Variants in NRG3 observed in about 807,000 individuals in gnomAD.
The protein encoded by NRG3 is pro-neuregulin-3, membrane-bound isoform.
NRG3 carries 31 observed loss-of-function variants against 66.9 expected under a neutral mutation model. That is an observed-to-expected ratio of 0.46 (90% confidence interval 0.35 to 0.63). NRG3 has a LOEUF of 0.63. Ranked by LOEUF, NRG3 falls within the 20% of genes least tolerant of loss-of-function variation. The probability of loss-of-function intolerance (pLI) is 0.00; values close to 1 mark genes in which losing one functional copy is unlikely to be tolerated. For missense variants in NRG3, 910 were observed against 878.9 expected (o/e 1.04, Z -0.45); for synonymous variants, 393 against 359.4 (o/e 1.09, Z -1.06).
intron 1 of NRG3, among the ~76,000 whole-genome samples, chr10:82,001,650 G>T (rs1728044164): frequency 6.6e-6 from 1 of 152,182 alleles, no homozygotes; most frequent in Admixed American, 6.6e-5. Context: ...ACATAGGAAA[G>T]CTAATGAATT....
chr10:82,605,570 G>A (rs1750998900), intron 2 of NRG3, among the ~76,000 whole-genome samples: 1 of 151,842 alleles, frequency 6.6e-6, no homozygotes, highest in Non-Finnish European at 1.5e-5. Context: ...TTTGATATTA[G>A]GGTAATGCTA....
chr10:82,634,035 A>G (rs1439592883), intron 2 of NRG3, among the ~76,000 whole-genome samples: 1 of 152,214 alleles, frequency 6.6e-6, no homozygotes. Flanking sequence ...TTGGGCATAT[A>G]GAGATTATGG....
At chr10:82,586,219 TA>T (rs759792875) in intron 2 of NRG3, among the ~76,000 whole-genome samples, 35 of 140,378 alleles carry the variant, frequency 2.5e-4, no homozygotes, top group Non-Finnish European at 4.5e-4. Context: ...CCCCTAAATC[TA>T]AAATAAAAGT....
Position 82,632,590 on chromosome 10 carries a change from G to GTT in NRG3, c.954-105981_954-105980dup, listed in dbSNP as rs543985556. ...TATCGTATTTCATTTTCTCCTGTGTGTTTTTTTCTGGTAGTTGGTAATCTT... is the reference window on the plus strand; with the variant it reads ...TATCGTATTTCATTTTCTCCTGTGTGTTTTTTTTTCTGGTAGTTGGTAATCTT... On this transcript the variant is annotated intron_variant, in intron 2 of 8. Transcript: ENST00000372141. 2.0e-4 allele frequency among the ~76,000 whole-genome samples: 30 copies of GTT among 151,962 alleles called. 1 individual carries two copies. In the South Asian group the frequency reaches 6.2e-3, roughly 32 times the overall value.
At chr10:82,925,664 G>A (rs140858949) in intron 4 of NRG3, among the ~76,000 whole-genome samples, 83 of 152,316 alleles carry the variant, frequency 5.4e-4, no homozygotes, top group South Asian at 2.5e-3. Flanking sequence ...ATCAATCTAC[G>A]TAGGGTTTAT....
At chr10:82,147,875 T>G (rs879884350) in intron 1 of NRG3, among the ~76,000 whole-genome samples, 2 of 152,204 alleles carry the variant, frequency 1.3e-5, no homozygotes, top group Non-Finnish European at 2.9e-5. Flanking sequence ...GTCCCAGTTT[T>G]CTCTCTCTTT....
At chr10:82,331,646 AT>A (rs1172384090) in intron 1 of NRG3, among the ~76,000 whole-genome samples, 2 of 151,910 alleles carry the variant, frequency 1.3e-5, no homozygotes. Flanking sequence ...CTGAGGAACT[AT>A]TTTTTTTCTC....
chr10:82,152,909 TTTTC>T (rs1010494139), intron 1 of NRG3, among the ~76,000 whole-genome samples: 4 of 151,938 alleles, frequency 2.6e-5, no homozygotes, highest in Middle Eastern at 3.4e-3. Context: ...TCTTTCTCCT[TTTTC>T]TTTTATTACT....
In NRG3 at chr10:82,132,525, GATAT is replaced by G. The variant is rs1317557723; in HGVS notation, c.824-226207_824-226204del. Reference sequence around the variant, plus strand: ...TATATCATATATATATGATATATATGATATATATATGATATATATATATCTTTGT... The same window carrying G: ...TATATCATATATATATGATATATATGATATATGATATATATATATCTTTGT... On this transcript the variant is annotated intron_variant, in intron 1 of 8. Coordinates refer to ENST00000372141, the MANE Select transcript of NRG3 (RefSeq NM_001010848.4). Among the ~76,000 whole-genome samples the G allele has an allele frequency of 2.2e-4, 12 of 54,768 alleles. 1 individual carries two copies. Among genetic ancestry groups the G allele is most frequent in the African/African-American group, 7.8e-4 (12 of 15,426 alleles). The allele number at this position is 54,768 out of a possible 152,430, so 35.9% of individuals were successfully genotyped here. A position where few individuals can be genotyped will look rare whatever the true frequency, so the allele number is the denominator to read the frequency against.
At chr10:82,984,876 T>C (rs752556864) in intron 8 of NRG3, 15 of 1,401,884 alleles carry the variant, frequency 1.1e-5, no homozygotes, top group Non-Finnish European at 1.5e-5. Context: ...TGGGTTTGAG[T>C]CTCAGTCTGT....
At chr10:82,894,575 T>TC (rs1843469300) in intron 4 of NRG3, among the ~76,000 whole-genome samples, 1 of 128,404 alleles carries the variant, frequency 7.8e-6, no homozygotes. Context: ...GTACTTAGAG[T>TC]CCTTTAACTT....
intron 2 of NRG3, among the ~76,000 whole-genome samples, chr10:82,377,603 T>C (rs2085336928): frequency 6.6e-6 from 1 of 152,150 alleles, no homozygotes; most frequent in South Asian, 2.1e-4. Flanking sequence ...AGAAGAGCAG[T>C]GACCTTATTG....
At chr10:82,828,507 A>C (rs342370) in intron 3 of NRG3, among the ~76,000 whole-genome samples, 70,598 of 145,900 alleles carry the variant, frequency 0.48, 16,536 homozygotes, top group South Asian at 0.53. Flanking sequence ...GTGCCCTTTT[A>C]CCTCTGTCTT....
intron 2 of NRG3, among the ~76,000 whole-genome samples, chr10:82,379,443 G>A (rs770503585): frequency 6.6e-6 from 1 of 151,986 alleles, no homozygotes; most frequent in Non-Finnish European, 1.5e-5. Context: ...CTAAAGAAGC[G>A]AGAATTGAAA....
intron 3 of NRG3, among the ~76,000 whole-genome samples, chr10:82,801,860 C>T (rs913044637): frequency 6.6e-6 from 1 of 152,176 alleles, no homozygotes; most frequent in African/African-American, 2.4e-5. Flanking sequence ...CCAATAGACA[C>T]ATTCAATGTA....
At chr10:82,159,654 C>G (rs746453873) in intron 1 of NRG3, among the ~76,000 whole-genome samples, 1 of 151,828 alleles carries the variant, frequency 6.6e-6, no homozygotes, top group Admixed American at 6.6e-5. Flanking sequence ...AGAAACCATG[C>G]CTTCGTTAGT....
intron 1 of NRG3, among the ~76,000 whole-genome samples, chr10:81,966,020 C>T (rs2059718742): frequency 6.6e-6 from 1 of 151,804 alleles, no homozygotes; most frequent in South Asian, 2.1e-4. Flanking sequence ...GTATACTTTA[C>T]CTTGGTGATG....
intron 1 of NRG3, among the ~76,000 whole-genome samples, chr10:82,011,638 G>T (rs2132641008): frequency 6.6e-6 from 1 of 152,284 alleles, no homozygotes; most frequent in East Asian, 1.9e-4. Context: ...CAATGGTGGT[G>T]CAGGCATTGA....
At position 82,973,908 on chromosome 10, in the gene NRG3, C is replaced by T; in HGVS notation, c.1405C>T (p.His469Tyr). The change falls in exon 7 of 9, where the codon CAC (histidine) becomes TAC (tyrosine). Residue 469 changes from histidine to tyrosine, a missense_variant. Transcript: ENST00000372141. ...SPDRGSQSVKHHRSLSSCCSP... is the reference protein window; with the variant it reads ...SPDRGSQSVKYHRSLSSCCSP... ...TGACAGAGGAAGCCAGTCTGTCAAA[C>T]ACCACAGGTACAAGTAGCTCATCAT... 6.2e-7 allele frequency: 1 copy of T among 1,613,994 alleles called. No homozygotes were observed. The highest frequency in any genetic ancestry group is 8.5e-7 in the Non-Finnish European group (1 of 1,179,936).
Sources: allele counts gnomAD v4.1 joint callset (sites outside exome capture counted in the v4.1 genomes callset), GRCh38; gene constraint gnomAD v4.1.1; transcripts MANE v1.5; gene names NCBI Gene and HGNC (gene_info 2026-07-23, HGNC 2026-07-21).